The following SYNPO variants were observed in gnomAD, a reference collection of about 807,000 sequenced individuals.
SYNPO encodes the protein synaptopodin.
A neutral mutation model predicts 49.5 loss-of-function variants in SYNPO; 19 were observed. The ratio of observed to expected loss-of-function variants is 0.38; its 90% CI spans 0.27 to 0.56. The LOEUF (loss-of-function observed/expected upper bound fraction) is 0.56, where lower values mean the gene tolerates loss of function less well. SYNPO is among the 20% of genes least tolerant of loss of function. SYNPO has a pLI of 0.68. For missense variants in SYNPO, 1,131 were observed against 1,248.3 expected (o/e 0.91, Z 1.42); for synonymous variants, 536 against 548.0 (o/e 0.98, Z 0.31).
chr5:150,634,827 AACACACAC>A lies in SYNPO; in HGVS notation c.401-13088_401-13081del, dbSNP rs202176402. Among the ~76,000 whole-genome samples, 531 of 124,760 alleles carry A rather than the reference AACACACAC, an allele frequency of 4.3e-3. 1 individual carries two copies. Among genetic ancestry groups the A allele is most frequent in the African/African-American group, 6.6e-3 (186 of 28,338 alleles). 81.8% of individuals were successfully genotyped at this position (124,760 alleles called of 152,430 possible). A position where few individuals can be genotyped will look rare whatever the true frequency, so the allele number is the denominator to read the frequency against. On this transcript the variant is annotated intron_variant, in intron 2 of 2. Coordinates refer to the SYNPO transcript ENST00000394243. ...GGTGACAGAGTGAGACCCTGTCTAA[AACACACAC>A]ACACACACACACACACACACACACA...
chr5:150,588,214 TC>T, the SYNPO span, among the ~76,000 whole-genome samples: 6 of 152,294 alleles, frequency 3.9e-5, no homozygotes, highest in Admixed American at 1.3e-4. Flanking sequence ...AGGACCAACC[TC>T]CAACTCCCTC....
exon 2 of SYNPO, chr5:150,618,494 G>A: frequency 6.4e-7 from 1 of 1,551,532 alleles, no homozygotes; most frequent in Non-Finnish European, 8.7e-7. Context: ...GAGCAGCGGT[G>A]AGGAGGGCCT....
chr5:150,649,621 T>A lies in SYNPO; in HGVS notation c.1346T>A (p.Val449Glu), dbSNP rs1440259035. 1 of 1,608,934 alleles carries A rather than the reference T, an allele frequency of 6.2e-7. No homozygotes were observed. The highest frequency in any genetic ancestry group is 8.5e-7 in the Non-Finnish European group (1 of 1,179,596). ...RASPAAAEEV[V>E]PEWASCLKSP... ...AGCCCCGCGGCGGCGGAGGAGGTGG[T>A]ACCAGAGTGGGCCTCCTGCCTCAAG... Residue 449 changes from valine (V) to glutamate (E), a missense_variant, in exon 2 of 3, where the codon GTA (valine) becomes GAA (glutamate). Val to Glu is a moderately radical substitution (Grantham distance 121, BLOSUM62 -2). This residue lies in a region of SYNPO where 602 missense variants were observed against 720.7 expected (regional missense o/e 0.84). Transcript: ENST00000307662.
rs889079085 is a variant in SYNPO at position 150,657,637 on chromosome 5, C to T, written c.*550C>T. ...CCTAGGCCTGTGTCGCATGTCCAGG[C>T]ACTGGCCTGACCATCCGGCTCCCTG... On this transcript the variant is annotated 3_prime_UTR_variant, in exon 3 of 3. Transcript: ENST00000307662. 21 of 152,766 alleles carry T rather than the reference C, an allele frequency of 1.4e-4. No individual in the cohort carries two copies. Among genetic ancestry groups the T allele is most frequent in the Non-Finnish European group, 2.8e-4 (19 of 68,338 alleles). The allele number at this position is 152,766 out of a possible 1,614,324, so 9.5% of individuals were successfully genotyped here. A position where few individuals can be genotyped will look rare whatever the true frequency, so the allele number is the denominator to read the frequency against.
In SYNPO at chr5:150,657,176, C is replaced by G; in HGVS notation, c.*89C>G. On this transcript the variant is annotated 3_prime_UTR_variant, in exon 3 of 3. Coordinates refer to ENST00000307662, the MANE Select transcript of SYNPO (RefSeq NM_007286.6). ...ACCCAAAGGGTCTGGCCTCTTTGGGCAGCCCCAGAGATGAGGGGTCAGCAG... is the reference window on the plus strand; with the variant it reads ...ACCCAAAGGGTCTGGCCTCTTTGGGGAGCCCCAGAGATGAGGGGTCAGCAG... 1.4e-6 allele frequency: 2 copies of G among 1,392,532 alleles called. No homozygotes were observed. The highest frequency in any genetic ancestry group is 1.9e-6 in the Non-Finnish European group (2 of 1,038,668). The allele number at this position is 1,392,532 out of a possible 1,614,324, so 86.3% of individuals were successfully genotyped here. A position where few individuals can be genotyped will look rare whatever the true frequency, so the allele number is the denominator to read the frequency against.
intron 2 of SYNPO, among the ~76,000 whole-genome samples, chr5:150,632,867 C>T (rs1757587321): frequency 6.6e-6 from 1 of 152,132 alleles, no homozygotes; most frequent in African/African-American, 2.4e-5. Flanking sequence ...ACTCCCAGAA[C>T]ACCGCCCTCC....
At position 150,656,631 on chromosome 5, in the gene SYNPO, G is replaced by C. The variant is rs1179920347; in HGVS notation, c.2256G>C (p.Gln752His). Residue 752 changes from glutamine (Q) to histidine (H), a missense_variant, in exon 3 of 3, where the codon CAG becomes CAC. Physicochemically the swap from Gln to His is conservative, Grantham distance 24. Transcript: ENST00000307662. ...CCGAGGCGCGGCCCCCCAGCCGCCAGCTGCAGGCGCTTCTGGCGCGAAACA... is the reference window on the plus strand; with the variant it reads ...CCGAGGCGCGGCCCCCCAGCCGCCACCTGCAGGCGCTTCTGGCGCGAAACA... ...PETEARPPSRQLQALLARNII... is the reference protein window; with the variant it reads ...PETEARPPSRHLQALLARNII... The C allele has an allele frequency of 4.6e-6, 7 of 1,509,386 alleles. No homozygotes were observed. In the African/African-American group the frequency reaches 1.0e-4, roughly 22 times the overall value. The allele number at this position is 1,509,386 out of a possible 1,614,324, so 93.5% of individuals were successfully genotyped here.
intron 2 of SYNPO, among the ~76,000 whole-genome samples, chr5:150,631,520 G>A (rs969740866): frequency 1.3e-5 from 2 of 152,320 alleles, no homozygotes; most frequent in South Asian, 2.1e-4. Context: ...AGGCTGGGAG[G>A]TGAAGCACCA....
chr5:150,650,521 G>T, intron 2 of SYNPO: 3 of 1,475,400 alleles, frequency 2.0e-6, no homozygotes, highest in Non-Finnish European at 2.7e-6. Context: ...AGCTGAAGCC[G>T]CCCCTCCCCT....
intron 1 of SYNPO, among the ~76,000 whole-genome samples, chr5:150,643,185 C>T (rs748552594): frequency 6.6e-6 from 1 of 152,186 alleles, no homozygotes; most frequent in Non-Finnish European, 1.5e-5. Context: ...CAGCCAGGAG[C>T]CTGGTGCTCT....
At chr5:150,586,913 TG>T in the SYNPO span, among the ~76,000 whole-genome samples, 1 of 152,148 alleles carries the variant, frequency 6.6e-6, no homozygotes, top group Non-Finnish European at 1.5e-5. Flanking sequence ...GATAGTTATA[TG>T]GAAGCACGGT....
chr5:150,649,017 C>G lies in SYNPO; in HGVS notation c.742C>G (p.Pro248Ala), dbSNP rs375536088. 1.4e-5 allele frequency: 23 copies of G among 1,614,112 alleles called. No homozygotes were observed. In the African/African-American group the frequency reaches 2.1e-4, roughly 15 times the overall value. ...GGCCAGGCCTTTTGGGATCCAGGCG[C>G]CAGGGGGCACCAGCCAGATGGAGAG... ...RTARPFGIQA[P>A]GGTSQMERSP... The change falls in exon 2 of 3, where the codon CCA becomes GCA. Residue 248 changes from proline (P) to alanine (A), a missense_variant. This residue lies in a region of SYNPO where 602 missense variants were observed against 720.7 expected (regional missense o/e 0.84). Transcript: ENST00000307662.
Position 150,649,381 on chromosome 5 carries a change from A to T in SYNPO, c.1106A>T (p.Glu369Val). The T allele has an allele frequency of 3.1e-6, 5 of 1,614,114 alleles. No individual in the cohort carries two copies. The highest frequency in any genetic ancestry group is 4.2e-6 in the Non-Finnish European group (5 of 1,180,018). ...GCCAGCAAGACGGGCATTCTGGAGG[A>T]GTCGATGGCCCGCCGGGGCAGCCGC... is the stretch of plus-strand genomic sequence containing the variant. ...VPASKTGILEESMARRGSRKS... is the reference protein window; with the variant it reads ...VPASKTGILEVSMARRGSRKS... The change falls in exon 2 of 3, where the codon GAG becomes GTG. Residue 369 changes from glutamate to valine, a missense_variant. Around this residue, in one of 4 missense-constraint regions of SYNPO, gnomAD observed 602 missense variants for 720.7 expected, o/e 0.84. Transcript: ENST00000307662.
intron 2 of SYNPO, among the ~76,000 whole-genome samples, chr5:150,625,534 C>T (rs1757327251): frequency 6.6e-6 from 1 of 152,210 alleles, no homozygotes; most frequent in Admixed American, 6.5e-5. Flanking sequence ...TTCCCCAGCG[C>T]CTACAGGGAG....
chr5:150,613,420 C>T (rs1031182969), intron 1 of SYNPO, among the ~76,000 whole-genome samples: 2 of 152,202 alleles, frequency 1.3e-5, no homozygotes, highest in Admixed American at 6.5e-5. Flanking sequence ...CCCAGTGGTC[C>T]TGCCTTCTTG....
chr5:150,651,526 T>C, intron 2 of SYNPO: 3 of 1,001,372 alleles, frequency 3.0e-6, no homozygotes, highest in Non-Finnish European at 3.6e-6. Context: ...GTTAGATGGC[T>C]GTGAGGGTGA....
the SYNPO span, among the ~76,000 whole-genome samples, chr5:150,591,868 T>A: frequency 2.0e-5 from 3 of 152,224 alleles, no homozygotes; most frequent in African/African-American, 7.2e-5. Flanking sequence ...TTCTTGATTA[T>A]ATCTGCCAGA....
intron 2 of SYNPO, among the ~76,000 whole-genome samples, chr5:150,628,899 C>T (rs1215683987): frequency 2.6e-5 from 4 of 152,190 alleles, no homozygotes; most frequent in Non-Finnish European, 4.4e-5. Context: ...CGGAGTGAGA[C>T]TCCAGCAAAA....
chr5:150,650,003 T>A lies in SYNPO; in HGVS notation c.1728T>A (p.Pro576=). The A allele has an allele frequency of 2.5e-6, 4 of 1,612,582 alleles. No homozygotes were observed. Among genetic ancestry groups the A allele is most frequent in the Middle Eastern group, 1.6e-4 (1 of 6,062 alleles). ...GCCCCTCGCTCTTTGTCCTCTCACC[T>A]ATCAAGGAGCCTGCCAAGGTCTCAC... ...QLRPSLFVLS[P]IKEPAKVSPR... is the part of the protein sequence containing the mutation. The change falls in exon 2 of 3, where the codon CCT becomes CCA. Residue 576 remains proline, a synonymous_variant. Transcript: ENST00000307662.
Sources: allele counts gnomAD v4.1 joint callset (sites outside exome capture counted in the v4.1 genomes callset), GRCh38; gene constraint gnomAD v4.1.1; regional missense constraint gnomAD v4.1.1; transcripts MANE v1.5; gene names NCBI Gene and HGNC (gene_info 2026-07-23, HGNC 2026-07-21).